The following MYO16 variants were observed in gnomAD, a reference collection of about 807,000 sequenced individuals.
MYO16 encodes myosin XVI.
Under a neutral mutation model 205.3 loss-of-function variants are expected in MYO16, and 94 were observed. The ratio of observed to expected loss-of-function variants is 0.46; its 90% CI spans 0.39 to 0.54. The LOEUF is 0.54. Ranked by LOEUF, MYO16 falls within the 20% of genes least tolerant of loss-of-function variation. The pLI is 0.00. For missense variants in MYO16, 2,315 were observed against 2,387.5 expected, an observed-to-expected ratio of 0.97 and a Z score of 0.63; for synonymous variants, 988 against 954.0, an observed-to-expected ratio of 1.04 and a Z score of -0.66.
intron 3 of MYO16, among the ~76,000 whole-genome samples, chr13:108,722,592 T>C (rs1029367116): frequency 5.9e-5 from 9 of 152,142 alleles, no homozygotes; most frequent in African/African-American, 2.2e-4. Context: ...TAAATGTAGA[T>C]TCCTGAGGTG....
At chr13:109,096,814 G>A (rs116934222) in intron 27 of MYO16, among the ~76,000 whole-genome samples, 1,895 of 152,306 alleles carry the variant, frequency 0.012, 23 homozygotes, top group South Asian at 0.032. Flanking sequence ...TGTCTTGTCC[G>A]GAGAAACGCA....
At chr13:108,704,049 C>T (rs56299929) in intron 2 of MYO16, among the ~76,000 whole-genome samples, 24,065 of 152,056 alleles carry the variant, frequency 0.16, 2,066 homozygotes, top group Middle Eastern at 0.25. Flanking sequence ...CAGCCATCCA[C>T]AAGCCAAGAA....
At chr13:109,045,960 G>A (rs904784632) in intron 23 of MYO16, among the ~76,000 whole-genome samples, 6 of 151,938 alleles carry the variant, frequency 3.9e-5, no homozygotes, top group Middle Eastern at 3.4e-3. Flanking sequence ...CATGGCCGAG[G>A]CACACTCTCC....
At chr13:109,160,053 G>A (rs1878300502) in intron 32 of MYO16, among the ~76,000 whole-genome samples, 3 of 152,210 alleles carry the variant, frequency 2.0e-5, no homozygotes. Flanking sequence ...ATAATTCTAG[G>A]TTGGGGGACC....
intron 4 of MYO16, among the ~76,000 whole-genome samples, chr13:108,763,816 T>TGTGTGTG (rs1885692543): frequency 6.6e-6 from 1 of 151,128 alleles, no homozygotes; most frequent in Non-Finnish European, 1.5e-5. Context: ...TGTGTGTGTG[T>TGTGTGTG]GTGTGTGTCG....
At chr13:108,903,444 C>T (rs1289915097) in intron 15 of MYO16, among the ~76,000 whole-genome samples, 3 of 152,154 alleles carry the variant, frequency 2.0e-5, no homozygotes, top group Admixed American at 6.5e-5. Context: ...AGGGTGACTA[C>T]TGTATCTCTG....
At chr13:108,805,373 C>A (rs1887082800) in intron 6 of MYO16, among the ~76,000 whole-genome samples, 1 of 151,962 alleles carries the variant, frequency 6.6e-6, no homozygotes, top group South Asian at 2.1e-4. Flanking sequence ...GATTGAAGAG[C>A]CTAATTAGGT....
At chr13:108,918,958 A>C (rs1366936037) in intron 16 of MYO16, among the ~76,000 whole-genome samples, 1,310 of 109,002 alleles carry the variant, frequency 0.012, 18 homozygotes, top group African/African-American at 0.042. Context: ...ACAGAACAAA[A>C]AAAAAAAAAA....
intron 27 of MYO16, among the ~76,000 whole-genome samples, chr13:109,079,902 G>A (rs1412599933): frequency 6.9e-6 from 1 of 144,476 alleles, no homozygotes; most frequent in Non-Finnish European, 1.5e-5. Context: ...TTGAGTTGGA[G>A]TCTCACTCTG....
intron 9 of MYO16, among the ~76,000 whole-genome samples, chr13:108,841,208 T>C (rs935330729): frequency 1.3e-5 from 2 of 152,202 alleles, no homozygotes; most frequent in Non-Finnish European, 2.9e-5. Context: ...CATCAATGAA[T>C]GATAATGAAT....
At chr13:108,954,083 T>A (rs111764986) in intron 16 of MYO16, among the ~76,000 whole-genome samples, 93 of 152,344 alleles carry the variant, frequency 6.1e-4, no homozygotes, top group African/African-American at 1.7e-3. Flanking sequence ...GAAATAAACA[T>A]GCCGCTGTAT....
intron 27 of MYO16, among the ~76,000 whole-genome samples, chr13:109,095,951 C>G (rs1888763440): frequency 6.6e-6 from 1 of 152,176 alleles, no homozygotes; most frequent in Non-Finnish European, 1.5e-5. Flanking sequence ...CTTTTCCACT[C>G]TAGAACCATC....
chr13:108,933,719 G>A (rs760685316), intron 16 of MYO16, among the ~76,000 whole-genome samples: 59 of 151,900 alleles, frequency 3.9e-4, no homozygotes, highest in Admixed American at 1.0e-3. Flanking sequence ...AGCATAGTAC[G>A]CAACAGTTAT....
At chr13:108,628,100 A>T (rs1879817130), upstream of MYO16, among the ~76,000 whole-genome samples, 1 of 152,186 alleles carries the variant, frequency 6.6e-6, no homozygotes, top group African/African-American at 2.4e-5. Context: ...TTACAGTTTT[A>T]TTGAAACATT....
At chr13:108,839,011 G>A (rs1169969393) in intron 9 of MYO16, among the ~76,000 whole-genome samples, 1 of 151,982 alleles carries the variant, frequency 6.6e-6, no homozygotes, top group East Asian at 1.9e-4. Context: ...ACCTAAAACT[G>A]GATAATTTAT....
chr13:109,002,427 C>T (rs539690790), intron 21 of MYO16, among the ~76,000 whole-genome samples: 1 of 152,264 alleles, frequency 6.6e-6, no homozygotes, highest in South Asian at 2.1e-4. Flanking sequence ...AGTTTCCGTT[C>T]CTAAAGAGTG....
chr13:108,752,982 T>C (rs977122812), intron 4 of MYO16, among the ~76,000 whole-genome samples: 1 of 151,906 alleles, frequency 6.6e-6, no homozygotes, highest in Non-Finnish European at 1.5e-5. Flanking sequence ...ATCAGAAATG[T>C]ATTAAATATG....
At chr13:108,733,673 C>T (rs901439313) in intron 4 of MYO16, among the ~76,000 whole-genome samples, 5 of 152,280 alleles carry the variant, frequency 3.3e-5, no homozygotes, top group African/African-American at 1.2e-4. Context: ...AAATATTACA[C>T]AGTAGAGGGC....
At chr13:108,796,799 G>T (rs1886804711) in intron 6 of MYO16, among the ~76,000 whole-genome samples, 1 of 139,970 alleles carries the variant, frequency 7.1e-6, no homozygotes, top group Non-Finnish European at 1.5e-5. Flanking sequence ...GATAGCATTA[G>T]GAGATATACC....
Sources: gnomAD v4.1 joint callset for allele counts (sites outside exome capture counted in the v4.1 genomes callset) on GRCh38, gnomAD v4.1.1 for gene constraint, MANE v1.5 for transcripts, NCBI Gene and HGNC (gene_info 2026-07-23, HGNC 2026-07-21) for gene names.